MTUS2: variants seen among roughly 807,000 people sequenced by gnomAD.
MTUS2 encodes microtubule associated scaffold protein 2, also known as microtubule-associated tumor suppressor candidate 2.
A neutral mutation model predicts 114.1 loss-of-function variants in MTUS2; 40 were observed. The observed-to-expected ratio is 0.35, with a 90% confidence interval of 0.27 to 0.46. The LOEUF is 0.46. Ranked by LOEUF, MTUS2 falls within the 20% of genes least tolerant of loss-of-function variation. The pLI, the probability that MTUS2 is intolerant of heterozygous loss-of-function variation, is 1.00. For synonymous variants in MTUS2, 688 were observed against 672.0 expected (o/e 1.02, Z -0.37); for missense variants, 1,679 against 1,705.4 (o/e 0.98, Z 0.27).
chr13:29,159,715 A>G (rs1893014819), intron 5 of MTUS2, among the ~76,000 whole-genome samples: 1 of 152,230 alleles, frequency 6.6e-6, no homozygotes, highest in South Asian at 2.1e-4. Flanking sequence ...AAGAAGATGT[A>G]CAGATGGAAA....
At chr13:29,160,975 G>A (rs1030355781) in intron 5 of MTUS2, among the ~76,000 whole-genome samples, 1 of 152,092 alleles carries the variant, frequency 6.6e-6, no homozygotes, top group African/African-American at 2.4e-5. Flanking sequence ...TTATAGAAAC[G>A]GAGAATAGTA....
chr13:28,910,447 ATGCCATGGTGGTT>A (rs1253950238), intron 2 of MTUS2, among the ~76,000 whole-genome samples: 1 of 152,070 alleles, frequency 6.6e-6, no homozygotes, highest in Non-Finnish European at 1.5e-5. Context: ...AGGTAAACGT[ATGCCATGGTGGTT>A]TGCCGCGTAG....
intron 9 of MTUS2, among the ~76,000 whole-genome samples, chr13:29,456,485 GC>G (rs1004425895): frequency 7.9e-5 from 12 of 152,180 alleles, no homozygotes; most frequent in African/African-American, 2.7e-4. Flanking sequence ...TTTTAAAAGA[GC>G]AACCTGAAGA....
At chr13:29,403,805 A>G (rs1437525193) in intron 8 of MTUS2, among the ~76,000 whole-genome samples, 3 of 152,032 alleles carry the variant, frequency 2.0e-5, no homozygotes, top group African/African-American at 7.2e-5. Flanking sequence ...CAGCCTCTAC[A>G]ATTATGTAAG....
At chr13:29,273,132 G>A (rs1488320094) in intron 5 of MTUS2, among the ~76,000 whole-genome samples, 1 of 152,202 alleles carries the variant, frequency 6.6e-6, no homozygotes, top group Non-Finnish European at 1.5e-5. Context: ...GAATGTTGGA[G>A]GAGACACATT....
chr13:28,840,355 C>G (rs984333057), intron 2 of MTUS2, among the ~76,000 whole-genome samples: 6 of 152,164 alleles, frequency 3.9e-5, no homozygotes, highest in Non-Finnish European at 8.8e-5. Context: ...ACAGCCAAGA[C>G]CACAGAAAGC....
chr13:29,223,704 T>C (rs1435880009), intron 5 of MTUS2, among the ~76,000 whole-genome samples: 3 of 152,162 alleles, frequency 2.0e-5, no homozygotes, highest in Non-Finnish European at 4.4e-5. Context: ...ACAAACAGGC[T>C]GAAACATGCC....
intron 2 of MTUS2, among the ~76,000 whole-genome samples, chr13:28,953,186 A>G (rs1413981503): frequency 1.4e-5 from 2 of 142,724 alleles, no homozygotes; most frequent in African/African-American, 5.3e-5. Context: ...TTTTTTGCAC[A>G]TTTTTCTACT....
intron 2 of MTUS2, among the ~76,000 whole-genome samples, chr13:28,895,318 G>C (rs1056650253): frequency 2.0e-5 from 3 of 152,128 alleles, no homozygotes; most frequent in Non-Finnish European, 2.9e-5. Context: ...AGTATTTCAT[G>C]GGTTTTACTT....
chr13:29,291,486 G>C (rs1017674450), intron 6 of MTUS2, among the ~76,000 whole-genome samples: 1 of 152,228 alleles, frequency 6.6e-6, no homozygotes, highest in Non-Finnish European at 1.5e-5. Context: ...TGTTTACACA[G>C]CAGAGAACCC....
intron 5 of MTUS2, among the ~76,000 whole-genome samples, chr13:29,147,386 A>G (rs763775807): frequency 6.6e-6 from 1 of 152,196 alleles, no homozygotes; most frequent in Non-Finnish European, 1.5e-5. Context: ...TAGATTATTT[A>G]AAAGAAGGAT....
intron 5 of MTUS2, among the ~76,000 whole-genome samples, chr13:29,261,203 G>C (rs1458605224): frequency 6.6e-6 from 1 of 152,162 alleles, no homozygotes; most frequent in Non-Finnish European, 1.5e-5. Flanking sequence ...AGGCCAATAT[G>C]CGGTCTATTT....
intron 5 of MTUS2, among the ~76,000 whole-genome samples, chr13:29,228,585 G>A (rs2139350589): frequency 6.6e-6 from 1 of 152,224 alleles, no homozygotes; most frequent in Non-Finnish European, 1.5e-5. Flanking sequence ...CTCCCAAATT[G>A]TTGGGATTGC....
At chr13:29,379,600 G>T (rs960287908) in intron 8 of MTUS2, among the ~76,000 whole-genome samples, 1 of 152,116 alleles carries the variant, frequency 6.6e-6, no homozygotes, top group Non-Finnish European at 1.5e-5. Context: ...CAGGAGTGGG[G>T]TGGAAAGAGT....
At chr13:29,406,270 C>G (rs561714720) in intron 8 of MTUS2, among the ~76,000 whole-genome samples, 1 of 152,066 alleles carries the variant, frequency 6.6e-6, no homozygotes, top group South Asian at 2.1e-4. Context: ...CACTGAGGGT[C>G]GGGTATCTGG....
intron 4 of MTUS2, among the ~76,000 whole-genome samples, chr13:29,035,817 A>G (rs147633490): frequency 9.8e-4 from 149 of 152,184 alleles, no homozygotes; most frequent in Non-Finnish European, 1.9e-3. Flanking sequence ...TACCTGGAAT[A>G]AAAAATAACT....
intron 2 of MTUS2, among the ~76,000 whole-genome samples, chr13:28,942,750 C>T (rs1882314988): frequency 6.6e-6 from 1 of 151,988 alleles, no homozygotes; most frequent in South Asian, 2.1e-4. Context: ...CAGAAACAGG[C>T]AAAACAACTC....
intron 1 of MTUS2, among the ~76,000 whole-genome samples, chr13:28,830,808 A>C (rs906599936): frequency 1.3e-5 from 2 of 152,218 alleles, no homozygotes; most frequent in African/African-American, 4.8e-5. Context: ...AGGATCTTCA[A>C]TAAGATTAAC....
chr13:28,919,643 C>T (rs989819225), intron 2 of MTUS2, among the ~76,000 whole-genome samples: 3 of 152,064 alleles, frequency 2.0e-5, no homozygotes, highest in African/African-American at 4.8e-5. Flanking sequence ...TTATATTATC[C>T]CTTTGAATAA....
Sources: gnomAD v4.1 joint callset for allele counts (sites outside exome capture counted in the v4.1 genomes callset) on GRCh38, gnomAD v4.1.1 for gene constraint, MANE v1.5 for transcripts, NCBI Gene and HGNC (gene_info 2026-07-23, HGNC 2026-07-21) for gene names.